The following PIKFYVE variants were observed in gnomAD, a reference collection of about 807,000 sequenced individuals.
PIKFYVE encodes the protein 1-phosphatidylinositol 3-phosphate 5-kinase.
In PIKFYVE, 122 loss-of-function variants were observed where a neutral mutation model predicts 257.9. The observed-to-expected ratio is 0.47, with a 90% CI of 0.41 to 0.55. The LOEUF (loss-of-function observed/expected upper bound fraction) is 0.55. Ranked by LOEUF, PIKFYVE falls within the 20% of genes least tolerant of loss-of-function variation. PIKFYVE has a pLI of 0.00. For synonymous variants in PIKFYVE, 892 were observed against 868.9 expected (o/e 1.03, Z -0.47); for missense variants, 2,160 against 2,536.6 (o/e 0.85, Z 3.19).
intron 13 of PIKFYVE, among the ~76,000 whole-genome samples, chr2:208,313,277 T>G (rs1016032615): frequency 6.6e-6 from 1 of 152,220 alleles, no homozygotes; most frequent in South Asian, 2.1e-4. Context: ...ATTTTTTGTC[T>G]TATCTATTTT....
chr2:208,344,319 A>G (rs971074868), intron 32 of PIKFYVE, among the ~76,000 whole-genome samples: 1 of 152,224 alleles, frequency 6.6e-6, no homozygotes, highest in East Asian at 1.9e-4. Flanking sequence ...ACAGGAGTAA[A>G]TAAGATAGAT....
At chr2:208,305,084 T>C (rs1694163898) in intron 12 of PIKFYVE, 71 bp downstream of exon 12, 2 of 1,601,722 alleles carry the variant, frequency 1.2e-6, no homozygotes, top group Middle Eastern at 1.9e-4. Flanking sequence ...CATGCCAGCC[T>C]GTCCTTCTGG....
At position 208,339,629 on chromosome 2, in the gene PIKFYVE, T is replaced by C. The variant is rs1698518325; in HGVS notation, c.4810+74T>C. ...AGATATATCATTGATTTACATGAAT[T>C]ACAGCCATTTCTCTAAGGACAGATA... is the stretch of plus-strand genomic sequence containing the variant. On this transcript the variant is annotated intron_variant, in intron 30 of 41. Coordinates refer to ENST00000264380, the MANE Select transcript of PIKFYVE (RefSeq NM_015040.4). The C allele has an allele frequency of 2.8e-5, 44 of 1,550,874 alleles. 1 individual carries two copies. In the South Asian group the frequency reaches 4.7e-4, roughly 16 times the overall value.
At chr2:208,287,761 C>T (rs997037444) in intron 6 of PIKFYVE, among the ~76,000 whole-genome samples, 4 of 151,174 alleles carry the variant, frequency 2.6e-5, no homozygotes, top group African/African-American at 4.9e-5. Flanking sequence ...CCACCATGCC[C>T]GGCTAAGTTT....
At chr2:208,342,759 C>G (rs1698828419) in intron 32 of PIKFYVE, 110 bp downstream of exon 32, 2 of 781,792 alleles carry the variant, frequency 2.6e-6, no homozygotes, top group East Asian at 5.6e-5. Flanking sequence ...TAAATATAAG[C>G]AAAAATATAT....
In PIKFYVE at chr2:208,342,686, A is replaced by G. The variant is rs765772014; in HGVS notation, c.5027+37A>G. The G allele has an allele frequency of 3.5e-6, 5 of 1,440,566 alleles. No homozygotes were observed. The East Asian group carries it at 9.1e-5, about 26-fold the overall frequency. The allele number at this position is 1,440,566 out of a possible 1,614,324, so 89.2% of individuals were successfully genotyped here. A position where few individuals can be genotyped will look rare whatever the true frequency, so the allele number is the denominator to read the frequency against. On this transcript the variant is annotated intron_variant, in intron 32 of 41. Coordinates refer to ENST00000264380, the MANE Select transcript of PIKFYVE (RefSeq NM_015040.4). The stretch of plus-strand genomic sequence containing the variant: ...GGGACTTTGACTTATGATGATATCT[A>G]TGTATTTTATGTATGTCTATTAATC...
At chr2:208,318,725 C>G (rs1251512785) in intron 16 of PIKFYVE, among the ~76,000 whole-genome samples, 1 of 152,038 alleles carries the variant, frequency 6.6e-6, no homozygotes, top group African/African-American at 2.4e-5. Flanking sequence ...GAGGCCGAGG[C>G]TGGCAGATCA....
In PIKFYVE at chr2:208,350,941, A is replaced by G; in HGVS notation, c.5605A>G (p.Thr1869Ala). The change falls in exon 37 of 42, where the codon ACT (threonine) becomes GCT (alanine). Residue 1869 changes from threonine (T) to alanine (A), a missense_variant. Physicochemically the swap from Thr to Ala is moderately conservative, Grantham distance 58. This residue lies in a region of PIKFYVE where 699 missense variants were observed against 855.8 expected (regional missense o/e 0.82). Transcript: ENST00000264380. Reference sequence around the variant, plus strand: ...CAAATCAGGAGCTGCCTTCTATGCAACTGAGGGTGAGCCTTTCTCATCGTT... The same window carrying G: ...CAAATCAGGAGCTGCCTTCTATGCAGCTGAGGGTGAGCCTTTCTCATCGTT... ...GGKSGAAFYATEDDRFILKQM... is the reference protein window; with the variant it reads ...GGKSGAAFYAAEDDRFILKQM... 1 of 1,614,108 alleles carries G rather than the reference A, an allele frequency of 6.2e-7. No homozygotes were observed. Among genetic ancestry groups the G allele is most frequent in the Non-Finnish European group, 8.5e-7 (1 of 1,180,008 alleles).
rs751439088 is a variant in PIKFYVE at position 208,325,260 on chromosome 2, T to C, written c.2459-10T>C. 8.7e-5 allele frequency: 141 copies of C among 1,612,824 alleles called. No individual in the cohort carries two copies. In the Middle Eastern group the frequency reaches 1.5e-3, roughly 17 times the overall value. Reference sequence around the variant, plus strand: ...CACCATCTTAACTTTCTGTTTGTTTTTGTTTGTAGAACAAACCAAGACACT... The same window carrying C: ...CACCATCTTAACTTTCTGTTTGTTTCTGTTTGTAGAACAAACCAAGACACT... On this transcript the variant is annotated splice_polypyrimidine_tract_variant and intron_variant, in intron 19 of 41. Transcript: ENST00000264380.
rs1468090231 is a variant in PIKFYVE at position 208,357,344 on chromosome 2, A to C, written c.*2039A>C. On this transcript the variant is annotated 3_prime_UTR_variant, in exon 42 of 42. Transcript: ENST00000264380. ...TTCCTGTACTCCCCTAGTCATGAGCACTTGAAGTACAAGGTGTCTCCCCCT... is the reference window on the plus strand; with the variant it reads ...TTCCTGTACTCCCCTAGTCATGAGCCCTTGAAGTACAAGGTGTCTCCCCCT... 2.0e-5 allele frequency: 3 copies of C among 152,220 alleles called. No homozygotes were observed. The highest frequency in any genetic ancestry group is 2.9e-5 in the Non-Finnish European group (2 of 68,028). 9.4% of individuals were successfully genotyped at this position (152,220 alleles called of 1,614,324 possible).
intron 22 of PIKFYVE, among the ~76,000 whole-genome samples, chr2:208,330,170 C>T (rs1036879652): frequency 4.6e-5 from 7 of 152,136 alleles, no homozygotes; most frequent in African/African-American, 1.7e-4. Context: ...TGTTTTTTTA[C>T]AGTGATTCAA....
Position 208,336,890 on chromosome 2 carries a change from C to T in PIKFYVE, c.4573C>T (p.Pro1525Ser), listed in dbSNP as rs1698192432. ...EKGRKRPSVP[P>S]SPGRLRQGEE... ...GGGTAGAAAGAGACCTTCAGTTCCT[C>T]CAAGTCCTGGAAGACTGAGACAAGG... The change falls in exon 28 of 42, where the codon CCA (proline) becomes TCA (serine). Residue 1525 changes from proline (P) to serine (S), a missense_variant. Physicochemically the swap from Pro to Ser is moderately conservative, Grantham distance 74 (BLOSUM62 -1). This residue lies in a region of PIKFYVE where 699 missense variants were observed against 855.8 expected (regional missense o/e 0.82). Coordinates refer to ENST00000264380, the MANE Select transcript of PIKFYVE (RefSeq NM_015040.4). The T allele has an allele frequency of 1.2e-6, 2 of 1,613,024 alleles. No individual in the cohort carries two copies. Among genetic ancestry groups the T allele is most frequent in the Non-Finnish European group, 1.7e-6 (2 of 1,179,466 alleles).
At chr2:208,315,043 A>T in intron 14 of PIKFYVE, 150 bp from the exon 15 acceptor site, 1 of 757,124 alleles carries the variant, frequency 1.3e-6, no homozygotes, top group Non-Finnish European at 2.2e-6. Flanking sequence ...AGGTACAGAT[A>T]TAATGAAAGA....
In PIKFYVE at chr2:208,328,168, CTTCT is replaced by C. The variant is rs1350842957; in HGVS notation, c.3619-11_3619-8del. The C allele has an allele frequency of 6.2e-7, 1 of 1,613,486 alleles. No homozygotes were observed. The highest frequency in any genetic ancestry group is 1.7e-5 in the Admixed American group (1 of 59,982). ...CAGTCACTTGCTCATCCATTCATTC[CTTCT>C]ATTTCAGGTGGACTGTCTGAATCCC... On this transcript the variant is annotated splice_region_variant and splice_polypyrimidine_tract_variant and intron_variant, in intron 20 of 41. Transcript: ENST00000264380.
chr2:208,298,354 C>G (rs931554470), intron 7 of PIKFYVE, among the ~76,000 whole-genome samples: 3 of 152,110 alleles, frequency 2.0e-5, no homozygotes, highest in African/African-American at 7.2e-5. Context: ...TTCCTGTAAT[C>G]TTTCCATAAC....
At chr2:208,341,443 C>T (rs559804310) in intron 31 of PIKFYVE, among the ~76,000 whole-genome samples, 27 of 152,212 alleles carry the variant, frequency 1.8e-4, no homozygotes, top group African/African-American at 6.3e-4. Flanking sequence ...ACCTCCTGCT[C>T]CAGTCAGAGT....
At chr2:208,266,608 C>T (rs548777499) in intron 1 of PIKFYVE, among the ~76,000 whole-genome samples, 193 bp downstream of exon 1, 49 of 152,342 alleles carry the variant, frequency 3.2e-4, no homozygotes, top group Middle Eastern at 3.4e-3. Flanking sequence ...CTCCCTATTC[C>T]CCGGCTGCCT....
Position 208,301,035 on chromosome 2 carries a change from C to A in PIKFYVE, c.1149C>A (p.Asn383Lys). The change falls in exon 9 of 42, where the codon AAC becomes AAA. Residue 383 changes from asparagine to lysine, a missense_variant. Asn to Lys is a moderately conservative substitution (Grantham distance 94). Transcript: ENST00000264380. ...DHRYWLRTHP[N>K]CIVGKELVNW... ...GCTACTGGTTGAGAACGCATCCCAACTGCATTGTAGGAAAGGAATTAGTCA... is the reference window on the plus strand; with the variant it reads ...GCTACTGGTTGAGAACGCATCCCAAATGCATTGTAGGAAAGGAATTAGTCA... 2 of 1,614,172 alleles carry A rather than the reference C, an allele frequency of 1.2e-6. No individual in the cohort carries two copies. The highest frequency in any genetic ancestry group is 1.7e-6 in the Non-Finnish European group (2 of 1,180,018).
chr2:208,286,737 C>G (rs1285230862), intron 6 of PIKFYVE, among the ~76,000 whole-genome samples: 1 of 151,016 alleles, frequency 6.6e-6, no homozygotes, highest in Admixed American at 6.6e-5. Context: ...ACCAGGCTGT[C>G]TTGAACTCCT....
Sources: gnomAD v4.1 joint callset for allele counts (sites outside exome capture counted in the v4.1 genomes callset) on GRCh38, gnomAD v4.1.1 for gene constraint, gnomAD v4.1.1 regional missense constraint, MANE v1.5 for transcripts, NCBI Gene and HGNC (gene_info 2026-07-23, HGNC 2026-07-21) for gene names.